The following NR1I2 variants were observed in gnomAD, a reference collection of about 807,000 sequenced individuals.
NR1I2 encodes nuclear receptor subfamily 1 group I member 2, also known as orphan nuclear receptor PAR1.
A neutral mutation model predicts 43.3 loss-of-function variants in NR1I2; 42 were observed. That is an observed-to-expected ratio of 0.97 (90% CI 0.76 to 1.26). The LOEUF is 1.26. NR1I2 is among the 50% of genes most tolerant of loss of function. The pLI, the probability that NR1I2 is intolerant of heterozygous loss-of-function variation, is 0.00. For missense variants in NR1I2, 559 were observed against 566.7 expected (o/e 0.99, Z 0.14); for synonymous variants, 229 against 215.0 (o/e 1.06, Z -0.57).
intron 1 of NR1I2, among the ~76,000 whole-genome samples, chr3:119,795,712 C>G (rs1214947234): frequency 6.6e-6 from 1 of 152,172 alleles, no homozygotes; most frequent in African/African-American, 2.4e-5. Context: ...TTAGTTTTCC[C>G]TCTCTCTGTG....
intron 1 of NR1I2, among the ~76,000 whole-genome samples, chr3:119,798,645 A>AAG: frequency 6.6e-6 from 1 of 151,430 alleles, no homozygotes; most frequent in African/African-American, 2.4e-5. Flanking sequence ...GTCTCAAAAA[A>AAG]AAAAAAAAAG....
chr3:119,801,878 G>A (rs781308810), intron 1 of NR1I2, among the ~76,000 whole-genome samples: 30 of 152,172 alleles, frequency 2.0e-4, no homozygotes, highest in Non-Finnish European at 3.1e-4. Context: ...TCATCGGTGC[G>A]ATCTCAGGCC....
At chr3:119,803,761 CTT>C (rs577938453) in intron 1 of NR1I2, among the ~76,000 whole-genome samples, 35 of 145,460 alleles carry the variant, frequency 2.4e-4, no homozygotes, top group Middle Eastern at 3.6e-3. Context: ...TCTCAGTGTA[CTT>C]TTTTTTTTTT....
chr3:119,817,223 T>G lies in NR1I2; in HGVS notation c.*11T>G. Reference sequence around the variant, plus strand: ...ATCACAGGTAGCTGAGCGGCTGCCCTTGGGTGACACCTCCGAGAGGCAGCC... The same window carrying G: ...ATCACAGGTAGCTGAGCGGCTGCCCGTGGGTGACACCTCCGAGAGGCAGCC... On this transcript the variant is annotated 3_prime_UTR_variant, in exon 9 of 9. Coordinates refer to ENST00000393716, the MANE Select transcript of NR1I2 (RefSeq NM_003889.4). The G allele has an allele frequency of 6.2e-7, 1 of 1,613,466 alleles. No individual in the cohort carries two copies. Among genetic ancestry groups the G allele is most frequent in the East Asian group, 2.2e-5 (1 of 44,878 alleles).
chr3:119,787,876 G>C (rs2054865738), intron 1 of NR1I2, among the ~76,000 whole-genome samples: 1 of 151,990 alleles, frequency 6.6e-6, no homozygotes, highest in South Asian at 2.1e-4. Context: ...ATCTCCAAGA[G>C]TTTCTATCCC....
chr3:119,782,643 C>G, intron 1 of NR1I2: 4 of 755,694 alleles, frequency 5.3e-6, no homozygotes, highest in Non-Finnish European at 9.3e-6. Flanking sequence ...CCAGGAAATA[C>G]CACCTCCAAG....
chr3:119,803,176 G>GA (rs374112140), intron 1 of NR1I2, among the ~76,000 whole-genome samples: 8,542 of 145,632 alleles, frequency 0.059, 321 homozygotes, highest in Middle Eastern at 0.11. Flanking sequence ...TACTAAAAAT[G>GA]AAAAAAAAAA....
chr3:119,813,025 G>A, intron 5 of NR1I2, 65 bp downstream of exon 5: 1 of 1,552,078 alleles, frequency 6.4e-7, no homozygotes, highest in Non-Finnish European at 8.8e-7. Context: ...AGGTTCAAAG[G>A]GCCTGGGGTA....
chr3:119,797,617 T>C (rs1577274773), intron 1 of NR1I2, among the ~76,000 whole-genome samples: 2 of 152,184 alleles, frequency 1.3e-5, no homozygotes, highest in Admixed American at 6.5e-5. Flanking sequence ...TACATACATA[T>C]CTCTAAAAGA....
At chr3:119,804,577 T>C (rs1272387505) in intron 1 of NR1I2, among the ~76,000 whole-genome samples, 1 of 151,428 alleles carries the variant, frequency 6.6e-6, no homozygotes, top group African/African-American at 2.4e-5. Flanking sequence ...CTCAAGTAGC[T>C]GGGATTATAG....
intron 1 of NR1I2, among the ~76,000 whole-genome samples, chr3:119,785,387 G>T (rs957583937): frequency 3.3e-5 from 5 of 152,192 alleles, no homozygotes; most frequent in African/African-American, 1.2e-4. Flanking sequence ...TAAGCTTGGG[G>T]TCTACTGGCC....
At position 119,811,544 on chromosome 3, in the gene NR1I2, ATGTCCGACGAGGCCG is replaced by A. The variant is rs1374760402; in HGVS notation, c.340_354del (p.Ser114_Val118del). Reference sequence around the variant, plus strand: ...CAGCCTCACTGTCCCTGCAGTGATCATGTCCGACGAGGCCGTGGAGGAGAGGCGGGCCTTGATCAA... The same window carrying A: ...CAGCCTCACTGTCCCTGCAGTGATCATGGAGGAGAGGCGGGCCTTGATCAA... On this transcript the variant is annotated inframe_deletion, in exon 4 of 9. Transcript: ENST00000393716. The A allele has an allele frequency of 1.2e-6, 2 of 1,612,320 alleles. No individual in the cohort carries two copies. The highest frequency in any genetic ancestry group is 1.7e-6 in the Non-Finnish European group (2 of 1,179,186).
At chr3:119,802,625 G>A (rs1222601735) in intron 1 of NR1I2, among the ~76,000 whole-genome samples, 2 of 152,126 alleles carry the variant, frequency 1.3e-5, no homozygotes, top group Admixed American at 1.3e-4. Flanking sequence ...TGTAAGGGAG[G>A]TTGGTCTCTT....
rs746587077 is a variant in NR1I2 at position 119,815,441 on chromosome 3, T to C, written c.1054+2T>C. 2 of 1,603,168 alleles carry C rather than the reference T, an allele frequency of 1.2e-6. No homozygotes were observed. Among genetic ancestry groups the C allele is most frequent in the South Asian group, 2.2e-5 (2 of 90,840 alleles). On this transcript the variant is annotated splice_donor_variant, in intron 7 of 8. Transcript: ENST00000393716. LOFTEE classifies it high-confidence loss of function. ...AGGCCATCTCCCTCTTCTCCCCAGG[T>C]GAGGATCTCCCCTAGGCTGCCTGAC...
At chr3:119,789,058 A>G (rs2054883013) in intron 1 of NR1I2, among the ~76,000 whole-genome samples, 1 of 152,176 alleles carries the variant, frequency 6.6e-6, no homozygotes, top group Admixed American at 6.5e-5. Flanking sequence ...TGAAAGCTGG[A>G]GCATCACTCT....
intron 1 of NR1I2, among the ~76,000 whole-genome samples, chr3:119,798,937 T>C (rs1418702790): frequency 1.3e-5 from 2 of 152,210 alleles, no homozygotes; most frequent in Non-Finnish European, 2.9e-5. Flanking sequence ...ATTTTATTGA[T>C]CCACGAACCG....
intron 1 of NR1I2, among the ~76,000 whole-genome samples, chr3:119,802,377 G>A (rs1272106830): frequency 1.3e-5 from 2 of 152,164 alleles, no homozygotes; most frequent in Middle Eastern, 3.2e-3. Flanking sequence ...TGGTCCTTTG[G>A]TGATATTTCT....
chr3:119,792,357 A>G, intron 1 of NR1I2: 1 of 1,408,540 alleles, frequency 7.1e-7, no homozygotes, highest in South Asian at 1.2e-5. Flanking sequence ...GAAGGAGTTC[A>G]CAGAAGCAGT....
intron 1 of NR1I2, among the ~76,000 whole-genome samples, chr3:119,801,956 T>C (rs549350408): frequency 1.3e-5 from 2 of 152,306 alleles, no homozygotes; most frequent in African/African-American, 2.4e-5. Flanking sequence ...AGCCAGACTT[T>C]GTTGCATGGT....
Sources: allele counts gnomAD v4.1 joint callset (sites outside exome capture counted in the v4.1 genomes callset), GRCh38; gene constraint gnomAD v4.1.1; transcripts MANE v1.5; gene names NCBI Gene and HGNC (gene_info 2026-07-23, HGNC 2026-07-21).